Variants in SOX6 observed in about 807,000 individuals in gnomAD.
SOX6 encodes transcription factor SOX-6.
Under a neutral mutation model 97.8 loss-of-function variants are expected in SOX6, and 11 were observed. The observed-to-expected ratio is 0.11, with a 90% CI of 0.07 to 0.19. The LOEUF is 0.19. Ranked by LOEUF, SOX6 falls within the 10% of genes least tolerant of loss-of-function variation. The probability of loss-of-function intolerance (pLI) is 1.00; values close to 1 mark genes in which losing one functional copy is unlikely to be tolerated. For synonymous variants in SOX6, 360 were observed against 371.4 expected, an observed-to-expected ratio of 0.97 and a Z score of 0.35; for missense variants, 810 against 1,039.5, an observed-to-expected ratio of 0.78 and a Z score of 3.04.
At chr11:16,440,076 A>C (rs1859474182) in intron 1 of SOX6, among the ~76,000 whole-genome samples, 1 of 152,212 alleles carries the variant, frequency 6.6e-6, no homozygotes, top group African/African-American at 2.4e-5. Flanking sequence ...CTCGAGGCTA[A>C]GCTGTCAAAT....
chr11:16,492,848 G>A (rs1025407277), intron 4 of SOX6, among the ~76,000 whole-genome samples: 1 of 152,054 alleles, frequency 6.6e-6, no homozygotes, highest in Non-Finnish European at 1.5e-5. Flanking sequence ...ATTTCTATAT[G>A]GCCAATAAAC....
intron 4 of SOX6, among the ~76,000 whole-genome samples, chr11:16,548,401 A>G (rs1847644400): frequency 6.6e-6 from 1 of 152,298 alleles, no homozygotes; most frequent in East Asian, 1.9e-4. Context: ...ATATCTTCAA[A>G]AGATAGTCGT....
At chr11:16,384,195 CCTTT>C (rs1472932691) in intron 1 of SOX6, among the ~76,000 whole-genome samples, 3 of 130,024 alleles carry the variant, frequency 2.3e-5, no homozygotes, top group Non-Finnish European at 4.9e-5. Context: ...TCTTCTTTAA[CCTTT>C]CTATTTTTTC....
chr11:16,341,492 A>G (rs1049924403), intron 1 of SOX6, among the ~76,000 whole-genome samples: 16 of 152,010 alleles, frequency 1.1e-4, no homozygotes, highest in Non-Finnish European at 2.1e-4. Flanking sequence ...CAATCCATTA[A>G]TGATTTTTTT....
chr11:16,389,992 A>AAAAAAAAAAAAAAAAAAAAAAAAAC (rs1436185296), intron 1 of SOX6, among the ~76,000 whole-genome samples: 1 of 149,738 alleles, frequency 6.7e-6, no homozygotes, highest in Non-Finnish European at 1.5e-5. Context: ...AAAAAAAAAA[A>AAAAAAAAAAAAAAAAAAAAAAAAAC]AAAAGAAGCT....
chr11:16,237,115 A>T (rs1405343094), intron 3 of SOX6, among the ~76,000 whole-genome samples: 2 of 151,994 alleles, frequency 1.3e-5, no homozygotes, highest in African/African-American at 4.8e-5. Context: ...ATCAATGTTT[A>T]ATCTCAGGAC....
chr11:16,431,484 T>C lies in SOX6; in HGVS notation c.-5+44831A>G, dbSNP rs376349170. ...TTTTGAAGTTCTGGTCATCTCATAA[T>C]AGCTAGGCAACATCCCAATGCTCTC... On this transcript the variant is annotated intron_variant, in intron 1 of 15. Coordinates refer to the SOX6 transcript ENST00000396356. Among the ~76,000 whole-genome samples, 174 of 152,272 alleles carry C rather than the reference T, an allele frequency of 1.1e-3. 1 individual carries two copies. The highest frequency in any genetic ancestry group is 7.7e-3 in the South Asian group (37 of 4,832).
At chr11:16,103,716 C>T (rs530705770) in intron 7 of SOX6, among the ~76,000 whole-genome samples, 10 of 152,022 alleles carry the variant, frequency 6.6e-5, no homozygotes, top group African/African-American at 1.9e-4. Flanking sequence ...GAAATAATGG[C>T]ATTCACAGCA....
At chr11:16,052,707 A>G (rs911158337) in intron 10 of SOX6, among the ~76,000 whole-genome samples, 3 of 152,144 alleles carry the variant, frequency 2.0e-5, no homozygotes, top group African/African-American at 7.2e-5. Flanking sequence ...ATTTCTTTAA[A>G]TATTTGAAAA....
intron 1 of SOX6, among the ~76,000 whole-genome samples, chr11:16,366,766 T>G (rs1181055826): frequency 1.1e-5 from 1 of 87,692 alleles, no homozygotes; most frequent in Non-Finnish European, 2.8e-5. Context: ...ATTTTCTATC[T>G]GGTCCCTTCA....
intron 4 of SOX6, among the ~76,000 whole-genome samples, chr11:16,527,778 GAAAC>G (rs1429861693): frequency 6.6e-6 from 1 of 152,024 alleles, no homozygotes; most frequent in African/African-American, 2.4e-5. Flanking sequence ...GACATACAGA[GAAAC>G]AAACAGAGAC....
intron 3 of SOX6, among the ~76,000 whole-genome samples, chr11:16,631,329 C>A (rs1848704009): frequency 1.3e-5 from 2 of 152,098 alleles, no homozygotes; most frequent in Admixed American, 6.6e-5. Flanking sequence ...TTTTTTATTT[C>A]TCTTTCACTT....
In SOX6 at chr11:16,640,985, C is replaced by A. The variant is rs1040776799; in HGVS notation, n.430-28725G>T. Among the ~76,000 whole-genome samples the A allele has an allele frequency of 3.9e-5, 6 of 152,104 alleles. No individual in the cohort carries two copies. The East Asian group carries it at 1.2e-3, about 29-fold the overall frequency. ...TTTGTTTGTTCTTGCTTCTCTAGTT[C>A]TTTTAAGTGTGATGTTAGGTTGTCC... On this transcript the variant is annotated intron_variant and non_coding_transcript_variant, in intron 3 of 5. Transcript: ENST00000524520.
At chr11:16,556,228 G>A (rs80314767) in intron 4 of SOX6, among the ~76,000 whole-genome samples, 1 of 151,604 alleles carries the variant, frequency 6.6e-6, no homozygotes, top group Admixed American at 6.6e-5. Context: ...CTACAAATGA[G>A]AAATAAAGCA....
At position 16,139,039 on chromosome 11, in the gene SOX6, T is replaced by A. The variant is rs554435297; in HGVS notation, c.778-27116A>T. On this transcript the variant is annotated intron_variant, in intron 6 of 15. Coordinates refer to ENST00000683767, the MANE Select transcript of SOX6 (RefSeq NM_001367873.1). ...TTTTTTCCTAATGTTTCCTTATGAT[T>A]AGATTCAGGTAATACATTTTTGTCA... Among the ~76,000 whole-genome samples the A allele has an allele frequency of 3.9e-5, 6 of 152,328 alleles. No individual in the cohort carries two copies. In the South Asian group the frequency reaches 1.2e-3, roughly 32 times the overall value.
At chr11:16,572,597 C>A (rs1477576123) in intron 4 of SOX6, among the ~76,000 whole-genome samples, 1 of 152,282 alleles carries the variant, frequency 6.6e-6, no homozygotes, top group South Asian at 2.1e-4. Context: ...GACTTCTCAT[C>A]TCTTCACTTG....
At chr11:16,369,796 G>A (rs987059222) in intron 1 of SOX6, among the ~76,000 whole-genome samples, 10 of 152,092 alleles carry the variant, frequency 6.6e-5, no homozygotes, top group African/African-American at 1.9e-4. Context: ...GCTGGGGCAC[G>A]ATATTTCCCA....
At chr11:16,294,485 C>T (rs1045045713) in intron 3 of SOX6, among the ~76,000 whole-genome samples, 1 of 152,020 alleles carries the variant, frequency 6.6e-6, no homozygotes, top group Admixed American at 6.6e-5. Context: ...TGGTGTGGTA[C>T]ATAGCTCAAT....
chr11:16,265,373 G>T (rs915706945), intron 3 of SOX6, among the ~76,000 whole-genome samples: 2 of 151,702 alleles, frequency 1.3e-5, no homozygotes, highest in African/African-American at 4.8e-5. Context: ...CCTCAGTTGT[G>T]GGGTAAAACT....
Sources: allele counts gnomAD v4.1 joint callset (sites outside exome capture counted in the v4.1 genomes callset), GRCh38; gene constraint gnomAD v4.1.1; transcripts MANE v1.5; gene names NCBI Gene and HGNC (gene_info 2026-07-23, HGNC 2026-07-21).